CIRSR: variants seen among roughly 807,000 people sequenced by gnomAD.
CIRSR encodes the protein corepressor of RBPJ and splicing regulator, also known as CBF1 (RBPJ) interacting corepressor 1.
the CIRSR span, among the ~76,000 whole-genome samples, chr2:174,391,916 C>T: frequency 1.3e-5 from 2 of 152,138 alleles, no homozygotes; most frequent in Admixed American, 1.3e-4. Flanking sequence ...TAGGCAAATC[C>T]ACTAACAGAA....
chr2:174,381,791 G>A, the CIRSR span: 43 of 1,514,496 alleles, frequency 2.8e-5, no homozygotes, highest in Non-Finnish European at 3.7e-5. Context: ...AGTGAAACAA[G>A]ACAAAGTTAA....
the CIRSR span, among the ~76,000 whole-genome samples, chr2:174,356,593 G>A: frequency 9.4e-6 from 1 of 105,972 alleles, no homozygotes; most frequent in Non-Finnish European, 2.3e-5. Flanking sequence ...GAAAGAAAGA[G>A]GGAGGGAGGG....
chr2:174,351,779 C>T, the CIRSR span: 14 of 1,414,672 alleles, frequency 9.9e-6, no homozygotes, highest in East Asian at 4.8e-5. Flanking sequence ...CTACCTTTTT[C>T]GGACTCCACA....
the CIRSR span, among the ~76,000 whole-genome samples, chr2:174,365,538 A>G: frequency 6.6e-6 from 1 of 152,348 alleles, no homozygotes; most frequent in Admixed American, 6.5e-5. Context: ...AATTTACAAA[A>G]GAAAGAGGTT....
the CIRSR span, among the ~76,000 whole-genome samples, chr2:174,363,683 T>C: frequency 1.3e-5 from 2 of 152,178 alleles, no homozygotes; most frequent in Admixed American, 6.6e-5. Context: ...GAGCAAGTCA[T>C]GTCTTACATG....
chr2:174,386,227 G>A, the CIRSR span, among the ~76,000 whole-genome samples: 2 of 152,018 alleles, frequency 1.3e-5, no homozygotes, highest in Admixed American at 1.3e-4. Flanking sequence ...TGTTGGCCAC[G>A]CTGGAGTTCA....
the CIRSR span, among the ~76,000 whole-genome samples, chr2:174,359,764 T>A: frequency 1.3e-5 from 2 of 152,198 alleles, no homozygotes; most frequent in Non-Finnish European, 2.9e-5. Context: ...TGCACACTTA[T>A]GTTTACTGCA....
chr2:174,380,551 G>A, the CIRSR span: 1 of 1,054,132 alleles, frequency 9.5e-7, no homozygotes. Flanking sequence ...TTTCACATCA[G>A]TTGCCTCCTC....
chr2:174,350,735 G>T, the CIRSR span: 1 of 1,607,618 alleles, frequency 6.2e-7, no homozygotes, highest in Non-Finnish European at 8.5e-7. Context: ...ACCCTCACTT[G>T]CAACATACTC....
chr2:174,394,600 T>A, the CIRSR span, among the ~76,000 whole-genome samples: 1 of 152,294 alleles, frequency 6.6e-6, no homozygotes, highest in South Asian at 2.1e-4. Context: ...ATCTGTGTTA[T>A]TAAAATTTCA....
chr2:174,392,380 C>T, the CIRSR span, among the ~76,000 whole-genome samples: 4 of 152,076 alleles, frequency 2.6e-5, no homozygotes, highest in African/African-American at 9.7e-5. Flanking sequence ...TTTTAAAAAC[C>T]ACTAAATTGT....
chr2:174,362,305 C>CAACAAA, the CIRSR span, among the ~76,000 whole-genome samples: 100 of 150,274 alleles, frequency 6.7e-4, no homozygotes, highest in African/African-American at 1.7e-3. Flanking sequence ...GACCTTTTCT[C>CAACAAA]AACAAAAACA....
At chr2:174,376,662 G>C in the CIRSR span, among the ~76,000 whole-genome samples, 1 of 151,928 alleles carries the variant, frequency 6.6e-6, no homozygotes, top group Non-Finnish European at 1.5e-5. Context: ...GCCAGGCGTG[G>C]TGGCAGGCAC....
the CIRSR span, among the ~76,000 whole-genome samples, chr2:174,382,939 T>C: frequency 2.6e-5 from 4 of 152,168 alleles, no homozygotes; most frequent in African/African-American, 9.7e-5. Context: ...AAAGGATATA[T>C]GACATGAGTA....
the CIRSR span, among the ~76,000 whole-genome samples, chr2:174,354,367 T>G: frequency 4.0e-5 from 5 of 123,640 alleles, no homozygotes; most frequent in African/African-American, 1.6e-4. Context: ...ATATTATATA[T>G]GTACATATAT....
the CIRSR span, among the ~76,000 whole-genome samples, chr2:174,349,630 A>C: frequency 6.6e-6 from 1 of 151,770 alleles, no homozygotes; most frequent in Non-Finnish European, 1.5e-5. Flanking sequence ...CTAAATGACA[A>C]CTCATTTTCT....
At chr2:174,348,633 C>G in the CIRSR span, 1 of 1,614,198 alleles carries the variant, frequency 6.2e-7, no homozygotes, top group South Asian at 1.1e-5. Flanking sequence ...TCGCTGTGCC[C>G]GTTTCCTTGT....
At chr2:174,351,536 T>C in the CIRSR span, 3 of 1,137,596 alleles carry the variant, frequency 2.6e-6, no homozygotes, top group African/African-American at 1.6e-5. Flanking sequence ...TATATGCATA[T>C]TGGAAAACAT....
chr2:174,361,312 C>T, the CIRSR span, among the ~76,000 whole-genome samples: 1 of 152,218 alleles, frequency 6.6e-6, no homozygotes. Flanking sequence ...CCTGGTAGGA[C>T]TTCACCTCTC....
Sources: gnomAD v4.1 joint callset for allele counts (sites outside exome capture counted in the v4.1 genomes callset) on GRCh38, gnomAD v4.1.1 for gene constraint, MANE v1.5 for transcripts, NCBI Gene and HGNC (gene_info 2026-07-23, HGNC 2026-07-21) for gene names.